The following FIGN variants were observed in gnomAD, a reference collection of about 807,000 sequenced individuals.
FIGN encodes the protein fidgetin, microtubule severing factor.
FIGN carries 11 observed loss-of-function variants against 51.3 expected under a neutral mutation model. That is an observed-to-expected ratio of 0.21 (90% CI 0.13 to 0.35). FIGN has a LOEUF of 0.35. Among genes scored for constraint, FIGN ranks in the 10% least tolerant of loss-of-function variants. FIGN has a pLI of 1.00. For missense variants in FIGN, 857 were observed against 943.6 expected (o/e 0.91, Z 1.20); for synonymous variants, 407 against 363.2 (o/e 1.12, Z -1.37).
At chr2:163,731,441 T>A (rs1383587445) in intron 2 of FIGN, among the ~76,000 whole-genome samples, 1 of 152,128 alleles carries the variant, frequency 6.6e-6, no homozygotes, top group Non-Finnish European at 1.5e-5. Flanking sequence ...TAAAAGTAAT[T>A]AATGAAATTT....
intron 2 of FIGN, among the ~76,000 whole-genome samples, chr2:163,644,325 A>C (rs1395111476): frequency 6.6e-6 from 1 of 152,192 alleles, no homozygotes; most frequent in South Asian, 2.1e-4. Context: ...TAAGCACATG[A>C]AAAGATGCTG....
intron 2 of FIGN, chr2:163,616,994 A>G (rs925519855): frequency 1.7e-6 from 1 of 572,478 alleles, no homozygotes; most frequent in African/African-American, 2.0e-5. Flanking sequence ...TCTACTTATT[A>G]TCATTCTTCA....
intron 2 of FIGN, among the ~76,000 whole-genome samples, chr2:163,675,706 C>CTTTTTTTTTTTTTTTTTTTTTTTTTTTT (rs900840520): frequency 2.0e-5 from 2 of 100,494 alleles, no homozygotes; most frequent in South Asian, 3.4e-4. Context: ...TTCTTTCTTT[C>CTTTTTTTTTTTTTTTTTTTTTTTTTTTT]TTTTTTTTTT....
chr2:163,616,448 T>C (rs1383944028), intron 2 of FIGN, among the ~76,000 whole-genome samples: 1 of 152,194 alleles, frequency 6.6e-6, no homozygotes, highest in African/African-American at 2.4e-5. Flanking sequence ...CAACAGTTCA[T>C]CAGGTCTAAA....
intron 2 of FIGN, among the ~76,000 whole-genome samples, chr2:163,634,082 A>ATG (rs1475077623): frequency 7.7e-6 from 1 of 129,590 alleles, no homozygotes; most frequent in Non-Finnish European, 1.7e-5. Context: ...TTCTGTACGT[A>ATG]TGTATGCGTG....
chr2:163,621,204 C>T (rs1248990383), intron 2 of FIGN, among the ~76,000 whole-genome samples: 2 of 152,084 alleles, frequency 1.3e-5, no homozygotes, highest in Non-Finnish European at 2.9e-5. Context: ...AACCATTCTC[C>T]TTAAAAACTT....
intron 2 of FIGN, among the ~76,000 whole-genome samples, chr2:163,696,483 C>T (rs958528570): frequency 6.6e-6 from 1 of 152,174 alleles, no homozygotes; most frequent in Non-Finnish European, 1.5e-5. Context: ...AATATCGCTG[C>T]AAGTATCCAG....
chr2:163,716,244 A>G (rs1054174605), intron 2 of FIGN, among the ~76,000 whole-genome samples: 4 of 152,236 alleles, frequency 2.6e-5, no homozygotes, highest in Admixed American at 1.3e-4. Flanking sequence ...ATGCTTCTGA[A>G]TCTTCCACAA....
intron 2 of FIGN, among the ~76,000 whole-genome samples, chr2:163,710,465 A>T (rs1684569577): frequency 1.3e-5 from 2 of 152,346 alleles, no homozygotes; most frequent in South Asian, 4.1e-4. Context: ...ACAGGCAATT[A>T]ATGCATTGGC....
chr2:163,628,785 T>C (rs1013280876), intron 2 of FIGN, among the ~76,000 whole-genome samples: 2 of 152,154 alleles, frequency 1.3e-5, no homozygotes, highest in African/African-American at 4.8e-5. Flanking sequence ...ATCTGTCCAT[T>C]GGCTAACAAA....
chr2:163,618,414 C>CT (rs35790939), intron 2 of FIGN, among the ~76,000 whole-genome samples: 26,084 of 145,646 alleles, frequency 0.18, 2,690 homozygotes, highest in African/African-American at 0.27. Context: ...TAAAACAATG[C>CT]TTTTTTTTTT....
chr2:163,718,270 G>A (rs1684700895), intron 2 of FIGN, among the ~76,000 whole-genome samples: 3 of 152,094 alleles, frequency 2.0e-5, no homozygotes. Context: ...AGAAGAAATG[G>A]GATTTGTTCC....
chr2:163,652,634 T>C (rs570404905), intron 2 of FIGN, among the ~76,000 whole-genome samples: 6 of 152,302 alleles, frequency 3.9e-5, no homozygotes, highest in Admixed American at 3.9e-4. Flanking sequence ...TAAAGAAGTT[T>C]ATGTAGTTTT....
intron 2 of FIGN, among the ~76,000 whole-genome samples, chr2:163,661,260 G>T (rs1683678351): frequency 6.6e-6 from 1 of 150,646 alleles, no homozygotes; most frequent in Non-Finnish European, 1.5e-5. Flanking sequence ...TATTTTTTGA[G>T]ACAGAGTCTC....
At chr2:163,717,618 G>T (rs892128035) in intron 2 of FIGN, among the ~76,000 whole-genome samples, 6 of 152,054 alleles carry the variant, frequency 3.9e-5, no homozygotes, top group African/African-American at 1.4e-4. Context: ...CGGCTTAAGG[G>T]TGATATCATA....
intron 2 of FIGN, chr2:163,617,243 A>T (rs12692702): frequency 0.59 from 580,862 of 982,120 alleles, 180,436 homozygotes; most frequent in Non-Finnish European, 0.63. Context: ...TATCATTTTT[A>T]CCTAATTTTG....
At chr2:163,724,361 T>C (rs1442984524) in intron 2 of FIGN, among the ~76,000 whole-genome samples, 5 of 152,198 alleles carry the variant, frequency 3.3e-5, no homozygotes, top group African/African-American at 1.2e-4. Flanking sequence ...TTTTTCTAAC[T>C]TCAAACCAGG....
At chr2:163,690,588 T>C (rs13416543) in intron 2 of FIGN, among the ~76,000 whole-genome samples, 16,469 of 151,632 alleles carry the variant, frequency 0.11, 1,739 homozygotes, top group African/African-American at 0.28. Flanking sequence ...AATACCAGTC[T>C]AGTCTAGGCA....
At chr2:163,643,932 CAAA>C (rs1162234909) in intron 2 of FIGN, among the ~76,000 whole-genome samples, 14 of 19,078 alleles carry the variant, frequency 7.3e-4, no homozygotes, top group Admixed American at 6.3e-3. Flanking sequence ...AACTCTGTCT[CAAA>C]AAAAAAAAAA....
Sources: gnomAD v4.1 joint callset for allele counts (sites outside exome capture counted in the v4.1 genomes callset) on GRCh38, gnomAD v4.1.1 for gene constraint, MANE v1.5 for transcripts, NCBI Gene and HGNC (gene_info 2026-07-23, HGNC 2026-07-21) for gene names.